The following CYP26C1 variants were observed in gnomAD, a reference collection of about 807,000 sequenced individuals.
CYP26C1 encodes the protein cytochrome P450 family 26 subfamily C member 1, also known as cytochrome P450 26C1.
A neutral mutation model predicts 39.1 loss-of-function variants in CYP26C1; 41 were observed. The observed-to-expected ratio is 1.05, with a 90% CI of 0.82 to 1.36. The LOEUF is 1.36. Among genes scored for constraint, CYP26C1 ranks in the 40% most tolerant of loss-of-function variants. The pLI is 0.00. For missense variants in CYP26C1, 833 were observed against 752.0 expected (o/e 1.11, Z -1.26); for synonymous variants, 362 against 350.8 (o/e 1.03, Z -0.36).
Position 93,068,435 on chromosome 10 carries a change from C to A in CYP26C1, c.1307C>A (p.Ala436Glu), listed in dbSNP as rs769885729. 3 of 1,612,056 alleles carry A rather than the reference C, an allele frequency of 1.9e-6. No individual in the cohort carries two copies. Among genetic ancestry groups the A allele is most frequent in the Non-Finnish European group, 2.5e-6 (3 of 1,179,592 alleles). Residue 436 changes from alanine (A) to glutamate (E), a missense_variant, in exon 6 of 6, where the codon GCG becomes GAG. Physicochemically the swap from Ala to Glu is moderately radical, Grantham distance 107. Transcript: ENST00000651965. ...EGFDPERFGA[A>E]REDSRGASSR... ...TTCGATCCAGAGCGCTTCGGCGCAG[C>A]GCGCGAAGATTCCCGGGGCGCCTCC... is the stretch of plus-strand genomic sequence containing the variant.
rs763761599 is a variant in CYP26C1, at chr10:93,062,101, C to T, written c.296C>T (p.Ala99Val). 1.3e-6 allele frequency: 2 copies of T among 1,568,266 alleles called. No individual in the cohort carries two copies. The highest frequency in any genetic ancestry group is 1.7e-6 in the Non-Finnish European group (2 of 1,157,840). Reference sequence around the variant, plus strand: ...AGGCCAGTGATCCGCGTGAGCGGCGCGGAGAACGTGCGCACCATCCTGCTG... The same window carrying T: ...AGGCCAGTGATCCGCGTGAGCGGCGTGGAGAACGTGCGCACCATCCTGCTG... ...LGRPVIRVSG[A>V]ENVRTILLGE... is the part of the protein sequence containing the mutation. Residue 99 changes from alanine (A) to valine (V), a missense_variant, in exon 2 of 6, where the codon GCG (alanine) becomes GTG (valine). Physicochemically the swap from Ala to Val is moderately conservative, Grantham distance 64. Coordinates refer to ENST00000651965, the MANE Select transcript of CYP26C1 (RefSeq NM_183374.3).
At chr10:93,064,671 G>C in intron 4 of CYP26C1, 135 bp downstream of exon 4, 1 of 1,447,100 alleles carries the variant, frequency 6.9e-7, no homozygotes, top group Non-Finnish European at 9.1e-7. Context: ...TGAGGGGCAA[G>C]AGGAGACCTG....
intron 2 of CYP26C1, 73 bp from the exon 3 acceptor site, chr10:93,062,647 T>C: frequency 1.5e-6 from 2 of 1,301,720 alleles, no homozygotes; most frequent in Non-Finnish European, 2.0e-6. Flanking sequence ...GGAACTGGCC[T>C]TCTGGCTACT....
Position 93,067,020 on chromosome 10 carries a change from G to A in CYP26C1, c.1191+735G>A, listed in dbSNP as rs536266302. ...GGTGCTCTGGCTGTGCCAAACTGTG[G>A]GTGTTTGCCTGAAAGGCTGTCGTTG... On this transcript the variant is annotated intron_variant, in intron 5 of 5. Transcript: ENST00000651965. Among the ~76,000 whole-genome samples the A allele has an allele frequency of 2.4e-4, 37 of 152,378 alleles. 1 individual carries two copies. The highest frequency in any genetic ancestry group is 3.4e-3 in the Middle Eastern group (1 of 294).
intron 3 of CYP26C1, chr10:93,063,312 G>A (rs1590135947): frequency 2.7e-6 from 3 of 1,130,288 alleles, no homozygotes; most frequent in Admixed American, 5.0e-5. Context: ...CCTGCCAGTC[G>A]GTCGGACTCC....
chr10:93,067,408 G>A (rs890588676), intron 5 of CYP26C1, among the ~76,000 whole-genome samples: 1 of 152,244 alleles, frequency 6.6e-6, no homozygotes, highest in Non-Finnish European at 1.5e-5. Flanking sequence ...CTTGAATGCG[G>A]AATCAGTCTT....
At position 93,068,455 on chromosome 10, in the gene CYP26C1, G is replaced by T. The variant is rs754228903; in HGVS notation, c.1327G>T (p.Ala443Ser). The T allele has an allele frequency of 7.4e-6, 12 of 1,610,900 alleles. No homozygotes were observed. In the African/African-American group the frequency reaches 1.6e-4, roughly 22 times the overall value. ...FGAAREDSRGASSRFHYIPFG... is the reference protein window; with the variant it reads ...FGAAREDSRGSSSRFHYIPFG... The stretch of plus-strand genomic sequence containing the variant: ...CGCAGCGCGCGAAGATTCCCGGGGC[G>T]CCTCCAGCCGCTTCCATTACATCCC... Residue 443 changes from alanine to serine, a missense_variant, in exon 6 of 6, where the codon GCC becomes TCC. Transcript: ENST00000651965.
rs987657035 is a variant in CYP26C1, at chr10:93,061,014, G to A, written c.-250G>A. 2.0e-5 allele frequency: 10 copies of A among 507,270 alleles called. No homozygotes were observed. In the African/African-American group the frequency reaches 2.0e-4, roughly 10 times the overall value. 31.4% of individuals were successfully genotyped at this position (507,270 alleles called of 1,614,324 possible). On this transcript the variant is annotated 5_prime_UTR_variant, in exon 1 of 6. Coordinates refer to ENST00000651965, the MANE Select transcript of CYP26C1 (RefSeq NM_183374.3). ...GACTGGCATTTGGGCCCAGGAGCCA[G>A]GAAAAAGTCCTGAGCGTGCCGGCCT...
chr10:93,060,847 AGG>A lies in CYP26C1; in HGVS notation c.-416_-415del. 9.2e-6 allele frequency: 2 copies of A among 217,608 alleles called. No individual in the cohort carries two copies. The highest frequency in any genetic ancestry group is 1.8e-5 in the Non-Finnish European group (2 of 110,504). The allele number at this position is 217,608 out of a possible 1,614,324, so 13.5% of individuals were successfully genotyped here. ...CAGGTGGGGCGGGGGTCTGCAGACC[AGG>A]TTGGCAACACTGGTGAGTTGCTCTT... is the stretch of plus-strand genomic sequence containing the variant. On this transcript the variant is annotated 5_prime_UTR_variant, in exon 1 of 6. Transcript: ENST00000651965.
chr10:93,063,786 G>C, intron 3 of CYP26C1: 1 of 983,990 alleles, frequency 1.0e-6, no homozygotes, highest in Non-Finnish European at 1.2e-6. Context: ...CCGTTAGTAG[G>C]GGCACGAACA....
intron 2 of CYP26C1, 29 bp downstream of exon 2, chr10:93,062,263 T>A: frequency 6.7e-7 from 1 of 1,497,624 alleles, no homozygotes; most frequent in Non-Finnish European, 8.9e-7. Flanking sequence ...GGACCGTAGA[T>A]ACGTCGGATC....
chr10:93,062,090 C>A lies in CYP26C1; in HGVS notation c.285C>A (p.Arg95=). The change falls in exon 2 of 6, where the codon CGC becomes CGA. Residue 95 remains arginine (R), a synonymous_variant. Coordinates refer to ENST00000651965, the MANE Select transcript of CYP26C1 (RefSeq NM_183374.3). ...KTHLLGRPVI[R]VSGAENVRTI... The stretch of plus-strand genomic sequence containing the variant: ...ACCTGCTGGGCAGGCCAGTGATCCG[C>A]GTGAGCGGCGCGGAGAACGTGCGCA... The A allele has an allele frequency of 6.4e-7, 1 of 1,574,480 alleles. No homozygotes were observed. Among genetic ancestry groups the A allele is most frequent in the East Asian group, 2.3e-5 (1 of 43,202 alleles).
chr10:93,068,183 C>A (rs1307085272), intron 5 of CYP26C1, 137 bp from the exon 6 acceptor site: 2 of 1,091,400 alleles, frequency 1.8e-6, no homozygotes, highest in East Asian at 2.9e-5. Flanking sequence ...ACAGAGCTTT[C>A]TCCTGGTTTC....
Position 93,064,495 on chromosome 10 carries a change from G to T in CYP26C1, c.820G>T (p.Ala274Ser), listed in dbSNP as rs1270206856. 1.9e-6 allele frequency: 3 copies of T among 1,613,996 alleles called. No individual in the cohort carries two copies. Among genetic ancestry groups the T allele is most frequent in the Admixed American group, 3.3e-5 (2 of 60,010 alleles). ...GDALDLIIHSARELGHEPSMQ... is the reference protein window; with the variant it reads ...GDALDLIIHSSRELGHEPSMQ... The stretch of plus-strand genomic sequence containing the variant: ...TGCCCTCGACCTAATCATTCACAGT[G>T]CAAGGGAGCTGGGCCATGAGCCCTC... The change falls in exon 4 of 6, where the codon GCA (alanine) becomes TCA (serine). Residue 274 changes from alanine (A) to serine (S), a missense_variant. Physicochemically the swap from Ala to Ser is moderately conservative, Grantham distance 99 (BLOSUM62 1). Transcript: ENST00000651965.
At position 93,062,843 on chromosome 10, in the gene CYP26C1, T is replaced by G; in HGVS notation, c.553T>G (p.Ser185Ala). The G allele has an allele frequency of 6.3e-7, 1 of 1,593,176 alleles. No homozygotes were observed. Among genetic ancestry groups the G allele is most frequent in the Admixed American group, 1.7e-5 (1 of 58,816 alleles). The change falls in exon 3 of 6, where the codon TCC becomes GCC. Residue 185 changes from serine (S) to alanine (A), a missense_variant. By Grantham distance (99) the Ser-to-Ala change is moderately conservative. Coordinates refer to ENST00000651965, the MANE Select transcript of CYP26C1 (RefSeq NM_183374.3). Reference protein sequence around the residue: ...AGGPVSVYDASKALTFRMAAR... With the variant: ...AGGPVSVYDAAKALTFRMAAR... ...CGGGCCGGTCTCAGTCTACGACGCC[T>G]CCAAAGCGCTCACCTTCCGCATGGC...
At chr10:93,067,444 G>T (rs1465764077) in intron 5 of CYP26C1, among the ~76,000 whole-genome samples, 1 of 152,208 alleles carries the variant, frequency 6.6e-6, no homozygotes, top group Non-Finnish European at 1.5e-5. Flanking sequence ...TTCTGCAGGC[G>T]CTGGAGTGCC....
rs764331883 is a variant in CYP26C1 at position 93,064,537 on chromosome 10, G to A, written c.861+1G>A. 1.2e-6 allele frequency: 2 copies of A among 1,611,954 alleles called. No homozygotes were observed. The highest frequency in any genetic ancestry group is 1.3e-5 in the African/African-American group (1 of 74,994). On this transcript the variant is annotated splice_donor_variant, in intron 4 of 5. Transcript: ENST00000651965. LOFTEE classifies it high-confidence loss of function. ...TGAGCCCTCCATGCAGGAGCTGAAG[G>A]TAGGTGCTGACAGGCCGCTCCTTCT...
Position 93,068,494 on chromosome 10 carries a change from G to A in CYP26C1, c.1366G>A (p.Ala456Thr), listed in dbSNP as rs777614107. 2.5e-6 allele frequency: 4 copies of A among 1,607,674 alleles called. No individual in the cohort carries two copies. The highest frequency in any genetic ancestry group is 3.4e-5 in the Admixed American group (2 of 59,360). ...RFHYIPFGGG[A>T]RSCLGQELAQ... ...CCATTACATCCCGTTCGGCGGCGGT[G>A]CGCGCAGCTGCCTCGGCCAGGAGCT... The change falls in exon 6 of 6, where the codon GCG becomes ACG. Residue 456 changes from alanine (A) to threonine (T), a missense_variant. By Grantham distance (58) the Ala-to-Thr change is moderately conservative (BLOSUM62 0). Coordinates refer to ENST00000651965, the MANE Select transcript of CYP26C1 (RefSeq NM_183374.3).
intron 3 of CYP26C1, chr10:93,063,807 C>T (rs1401761779): frequency 2.0e-6 from 2 of 985,462 alleles, no homozygotes; most frequent in East Asian, 1.1e-4. Flanking sequence ...GGACTTTAAC[C>T]TCATCTCCTC....
Sources: allele counts gnomAD v4.1 joint callset (sites outside exome capture counted in the v4.1 genomes callset), GRCh38; gene constraint gnomAD v4.1.1; transcripts MANE v1.5; gene names NCBI Gene and HGNC (gene_info 2026-07-23, HGNC 2026-07-21).